The following UPB1 variants were observed in gnomAD, a reference collection of about 807,000 sequenced individuals.
The protein encoded by UPB1 is beta-ureidopropionase 1.
UPB1 carries 40 observed loss-of-function variants against 49.1 expected under a neutral mutation model. The observed-to-expected ratio is 0.81, with a 90% CI of 0.63 to 1.06. The LOEUF (loss-of-function observed/expected upper bound fraction) is 1.06, where lower values mean the gene tolerates loss of function less well. UPB1 is among the 50% of genes least tolerant of loss of function. UPB1 has a pLI of 0.00. For missense variants in UPB1, 499 were observed against 505.9 expected, an observed-to-expected ratio of 0.99 and a Z score of 0.13; for synonymous variants, 207 against 198.2, an observed-to-expected ratio of 1.04 and a Z score of -0.38.
chr22:24,511,619 T>TATATA (rs140327), intron 4 of UPB1, among the ~76,000 whole-genome samples: 353 of 95,148 alleles, frequency 3.7e-3, no homozygotes, highest in African/African-American at 0.012. Flanking sequence ...TATATATATA[T>TATATA]TTTTTTTTTT....
At chr22:24,516,174 G>A (rs1428775817) in intron 6 of UPB1, among the ~76,000 whole-genome samples, 2 of 152,162 alleles carry the variant, frequency 1.3e-5, no homozygotes, top group African/African-American at 2.4e-5. Flanking sequence ...GAGATCAGTC[G>A]AGGAAACTTG....
rs748442149 is a variant in UPB1 at position 24,495,482 on chromosome 22, C to T, written c.79C>T (p.Arg27Cys). ...LPLPDLQEVK[R>C]VLYGKELRKL... ...GCTCCCCGACTTGCAGGAAGTGAAGCGCGTTCTCTATGGCAAGGAACTCAG... is the reference window on the plus strand; with the variant it reads ...GCTCCCCGACTTGCAGGAAGTGAAGTGCGTTCTCTATGGCAAGGAACTCAG... Residue 27 changes from arginine to cysteine, a missense_variant, in exon 1 of 10, where the codon CGC (arginine) becomes TGC (cysteine). Physicochemically the swap from Arg to Cys is radical, Grantham distance 180. Transcript: ENST00000326010. 1.9e-6 allele frequency: 3 copies of T among 1,614,074 alleles called. No individual in the cohort carries two copies. Among genetic ancestry groups the T allele is most frequent in the Non-Finnish European group, 2.5e-6 (3 of 1,180,030 alleles).
intron 1 of UPB1, among the ~76,000 whole-genome samples, chr22:24,497,001 A>G (rs2043902565): frequency 6.6e-6 from 1 of 152,110 alleles, no homozygotes; most frequent in African/African-American, 2.4e-5. Context: ...AAACACATGG[A>G]CATATGTGGA....
At chr22:24,505,433 T>C (rs962914519) in intron 3 of UPB1, among the ~76,000 whole-genome samples, 5 of 152,230 alleles carry the variant, frequency 3.3e-5, no homozygotes, top group African/African-American at 9.6e-5. Flanking sequence ...TGTTAGTATC[T>C]CTGGGTCATT....
intron 3 of UPB1, 190 bp downstream of exon 3, chr22:24,502,403 C>G (rs770429276): frequency 5.1e-6 from 4 of 790,884 alleles, no homozygotes; most frequent in Non-Finnish European, 9.4e-6. Context: ...TGTCTGATTC[C>G]TTCAGTTTTC....
At position 24,510,815 on chromosome 22, in the gene UPB1, A is replaced by AATC; in HGVS notation, c.431_432insATC (p.Asp144delinsGluSer). The AATC allele has an allele frequency of 6.2e-7, 1 of 1,614,194 alleles. No homozygotes were observed. Among genetic ancestry groups the AATC allele is most frequent in the South Asian group, 1.1e-5 (1 of 91,080 alleles). On this transcript the variant is annotated protein_altering_variant, in exon 4 of 10. Coordinates refer to ENST00000326010, the MANE Select transcript of UPB1 (RefSeq NM_016327.3). ...ACAGAATTTGCTGAGTCAGCAGAGG[A>AATC]TGGGCCCACCACCAGATTCTGTCAG...
chr22:24,508,426 G>A lies in UPB1; in HGVS notation c.365-2323G>A, dbSNP rs1464814649. Among the ~76,000 whole-genome samples the A allele has an allele frequency of 7.2e-5, 11 of 152,136 alleles. No individual in the cohort carries two copies. The South Asian group carries it at 2.3e-3, about 31-fold the overall frequency. The stretch of plus-strand genomic sequence containing the variant: ...ATACAAAAATTAGCTGGATGTGGTG[G>A]CGGGCACCTGTAATCCCAGCTACTT... On this transcript the variant is annotated intron_variant, in intron 3 of 9. Transcript: ENST00000326010.
At chr22:24,496,239 C>T (rs1334332566) in intron 1 of UPB1, among the ~76,000 whole-genome samples, 1 of 152,104 alleles carries the variant, frequency 6.6e-6, no homozygotes, top group Non-Finnish European at 1.5e-5. Context: ...AGCATGGTAG[C>T]ATGCATCTGT....
At chr22:24,522,671 CCTGTAATCCCAGTA>C (rs2044415513) in intron 8 of UPB1, among the ~76,000 whole-genome samples, 1 of 151,680 alleles carries the variant, frequency 6.6e-6, no homozygotes, top group Non-Finnish European at 1.5e-5. Context: ...GTGTCTCATG[CCTGTAATCCCAGTA>C]CTTTGGGAGG....
chr22:24,511,385 G>A (rs997175333), intron 4 of UPB1, among the ~76,000 whole-genome samples: 3 of 152,126 alleles, frequency 2.0e-5, no homozygotes, highest in Non-Finnish European at 4.4e-5. Flanking sequence ...TGGGGGTGAG[G>A]GAGGAAGGGA....
chr22:24,524,959 A>G (rs2044457434), intron 9 of UPB1, among the ~76,000 whole-genome samples: 1 of 152,118 alleles, frequency 6.6e-6, no homozygotes, highest in Non-Finnish European at 1.5e-5. Flanking sequence ...CTTGTCAGAC[A>G]AACAAGGTAT....
At position 24,525,582 on chromosome 22, in the gene UPB1, A is replaced by C. The variant is rs1378361868; in HGVS notation, c.1072-129A>C. Reference sequence around the variant, plus strand: ...GTACTAGAATCAGTGCCAAGAGGTCACTGTCAACGAGCCTTCCTGATGCGT... The same window carrying C: ...GTACTAGAATCAGTGCCAAGAGGTCCCTGTCAACGAGCCTTCCTGATGCGT... On this transcript the variant is annotated intron_variant, in intron 9 of 9. Coordinates refer to ENST00000326010, the MANE Select transcript of UPB1 (RefSeq NM_016327.3). The C allele has an allele frequency of 3.9e-6, 4 of 1,032,470 alleles. No individual in the cohort carries two copies. In the Admixed American group the frequency reaches 6.8e-5, roughly 18 times the overall value. The allele number at this position is 1,032,470 out of a possible 1,614,324, so 64.0% of individuals were successfully genotyped here.
In UPB1 at chr22:24,510,845, T is replaced by C. The variant is rs750705397; in HGVS notation, c.459+2T>C. On this transcript the variant is annotated splice_donor_variant, in intron 4 of 9. Transcript: ENST00000326010. LOFTEE classifies it high-confidence loss of function. The stretch of plus-strand genomic sequence containing the variant: ...CCCACCACCAGATTCTGTCAGAAGG[T>C]AGGACATTAACGGTGCCTCTGGCAG... 6.2e-6 allele frequency: 10 copies of C among 1,614,154 alleles called. No individual in the cohort carries two copies. The highest frequency in any genetic ancestry group is 2.2e-5 in the East Asian group (1 of 44,890).
intron 3 of UPB1, among the ~76,000 whole-genome samples, chr22:24,505,254 C>T (rs2044069998): frequency 2.0e-5 from 3 of 152,196 alleles, no homozygotes; most frequent in African/African-American, 7.2e-5. Flanking sequence ...ATTTTGTTTT[C>T]TCTCTTATTC....
At chr22:24,498,220 A>G (rs144304785) in intron 1 of UPB1, among the ~76,000 whole-genome samples, 25 of 152,272 alleles carry the variant, frequency 1.6e-4, no homozygotes, top group African/African-American at 5.8e-4. Flanking sequence ...TCACCTCTGA[A>G]AGAGCCCTAT....
At chr22:24,513,140 G>A (rs1410170152) in intron 4 of UPB1, among the ~76,000 whole-genome samples, 184 bp from the exon 5 acceptor site, 1 of 152,152 alleles carries the variant, frequency 6.6e-6, no homozygotes, top group Non-Finnish European at 1.5e-5. Context: ...CACCAACTGT[G>A]TACAGGACAA....
At chr22:24,508,934 ATCTACAAAGTATACTGAATTAG>A (rs1267948658) in intron 3 of UPB1, among the ~76,000 whole-genome samples, 1 of 152,214 alleles carries the variant, frequency 6.6e-6, no homozygotes, top group Non-Finnish European at 1.5e-5. Flanking sequence ...GAGGTGGGAG[ATCTACAAAGTATACTGAATTAG>A]TCCAGACAAG....
chr22:24,511,337 C>G (rs912211723), intron 4 of UPB1, among the ~76,000 whole-genome samples: 3 of 152,010 alleles, frequency 2.0e-5, no homozygotes, highest in Non-Finnish European at 4.4e-5. Context: ...ATAGGCAAAT[C>G]CATAGAGACA....
At chr22:24,509,373 A>G (rs1375865259) in intron 3 of UPB1, among the ~76,000 whole-genome samples, 3 of 34,338 alleles carry the variant, frequency 8.7e-5, no homozygotes, top group Non-Finnish European at 2.3e-4. Context: ...AAAAAAAAAA[A>G]AAAAAAAAAA....
Sources: gnomAD v4.1 joint callset for allele counts (sites outside exome capture counted in the v4.1 genomes callset) on GRCh38, gnomAD v4.1.1 for gene constraint, MANE v1.5 for transcripts, NCBI Gene and HGNC (gene_info 2026-07-23, HGNC 2026-07-21) for gene names.